MYH14: variants seen among roughly 807,000 people sequenced by gnomAD.
MYH14 encodes the protein myosin-14.
In MYH14, 123 loss-of-function variants were observed where a neutral mutation model predicts 255.5. That is an observed-to-expected ratio of 0.48 (90% confidence interval 0.42 to 0.56). The LOEUF is 0.56. MYH14 is among the 20% of genes least tolerant of loss of function. The pLI, the probability that MYH14 is intolerant of heterozygous loss-of-function variation, is 0.00. For missense variants in MYH14, 2,423 were observed against 2,802.3 expected (o/e 0.86, Z 3.06); for synonymous variants, 1,095 against 1,161.2 (o/e 0.94, Z 1.16).
intron 22 of MYH14, among the ~76,000 whole-genome samples, chr19:50,264,055 CA>C (rs34015428): frequency 2.8e-3 from 95 of 33,392 alleles, no homozygotes; most frequent in Non-Finnish European, 3.7e-3. Flanking sequence ...AACTCTGTCT[CA>C]AAAAAAAAAA....
rs2036112020 is a variant in MYH14, at chr19:50,292,448, CTTG to C, written c.5256+60_5256+62del. The C allele has an allele frequency of 4.2e-6, 6 of 1,443,908 alleles. No individual in the cohort carries two copies. The East Asian group carries it at 1.2e-4, about 29-fold the overall frequency. 89.4% of individuals were successfully genotyped at this position (1,443,908 alleles called of 1,614,324 possible). A position where few individuals can be genotyped will look rare whatever the true frequency, so the allele number is the denominator to read the frequency against. Reference sequence around the variant, plus strand: ...AAGCTGGGAGGTGGGCAAGGCTAACCTTGAGGTCCCTGGATGTGAAGCTGGGGA... The same window carrying C: ...AAGCTGGGAGGTGGGCAAGGCTAACCAGGTCCCTGGATGTGAAGCTGGGGA... On this transcript the variant is annotated intron_variant, in intron 37 of 42. Coordinates refer to ENST00000642316, the MANE Select transcript of MYH14 (RefSeq NM_001145809.2).
chr19:50,261,476 T>A lies in MYH14; in HGVS notation c.2426T>A (p.Ile809Asn). 1 of 1,256,982 alleles carries A rather than the reference T, an allele frequency of 8.0e-7. No homozygotes were observed. Among genetic ancestry groups the A allele is most frequent in the Middle Eastern group, 2.1e-4 (1 of 4,720 alleles). The allele number at this position is 1,256,982 out of a possible 1,614,324, so 77.9% of individuals were successfully genotyped here. The stretch of plus-strand genomic sequence containing the variant: ...TCACCCCTCTCCCACCCCTCACAGA[T>A]CCAGGCGCTGGAACTGGACCCCAAC... ...MDGKQACEKM[I>N]QALELDPNLY... The change falls in exon 21 of 43, where the codon ATC (isoleucine) becomes AAC (asparagine). Residue 809 changes from isoleucine (I) to asparagine (N), a missense_variant and splice_region_variant. Physicochemically the swap from Ile to Asn is moderately radical, Grantham distance 149 (BLOSUM62 -3). This residue lies in a region of MYH14 where 1,513 missense variants were observed against 1,674.8 expected (regional missense o/e 0.90). Coordinates refer to ENST00000642316, the MANE Select transcript of MYH14 (RefSeq NM_001145809.2).
At chr19:50,224,970 G>C in intron 6 of MYH14, 2 of 397,036 alleles carry the variant, frequency 5.0e-6, no homozygotes, top group East Asian at 7.2e-5. Flanking sequence ...GCTGGGCATG[G>C]TGGTGCTTGC....
chr19:50,290,754 G>A, intron 35 of MYH14, 133 bp from the exon 36 acceptor site: 2 of 882,022 alleles, frequency 2.3e-6, no homozygotes, highest in Non-Finnish European at 3.5e-6. Context: ...ACCAAGTAAA[G>A]AGAGTCAGGG....
intron 8 of MYH14, among the ~76,000 whole-genome samples, chr19:50,228,626 G>A (rs772477843): frequency 5.9e-5 from 9 of 152,162 alleles, no homozygotes; most frequent in East Asian, 1.9e-4. Context: ...TCTTGCCCTT[G>A]GCTCCCACCT....
At position 50,293,306 on chromosome 19, in the gene MYH14, A is replaced by T. The variant is rs756329020; in HGVS notation, c.5330A>T (p.Asn1777Ile). The T allele has an allele frequency of 6.2e-7, 1 of 1,606,528 alleles. No individual in the cohort carries two copies. The highest frequency in any genetic ancestry group is 1.7e-5 in the Admixed American group (1 of 58,880). Residue 1777 changes from asparagine (N) to isoleucine (I), a missense_variant, in exon 38 of 43, where the codon AAT becomes ATT. Physicochemically the swap from Asn to Ile is moderately radical, Grantham distance 149 (BLOSUM62 -3). Around this residue, in one of 3 missense-constraint regions of MYH14, gnomAD observed 1,513 missense variants for 1,674.8 expected, o/e 0.90. Coordinates refer to ENST00000642316, the MANE Select transcript of MYH14 (RefSeq NM_001145809.2). The surrounding 1 kb of genome is among the most constrained non-coding windows in gnomAD (Gnocchi z 4.1). ...GATGAGATGGCAGATGAGGTGGCCA[A>T]TGGTAACCTTAGCAAGTAAGTGCCC... ...DRDEMADEVA[N>I]GNLSKAAILE...
At position 50,289,496 on chromosome 19, in the gene MYH14, C is replaced by G. The variant is rs1229876725; in HGVS notation, c.4813C>G (p.Gln1605Glu). 6.2e-7 allele frequency: 1 copy of G among 1,613,038 alleles called. No individual in the cohort carries two copies. Among genetic ancestry groups the G allele is most frequent in the Non-Finnish European group, 8.5e-7 (1 of 1,179,658 alleles). Residue 1605 changes from glutamine to glutamate, a missense_variant, in exon 35 of 43, where the codon CAG becomes GAG. Physicochemically the swap from Gln to Glu is conservative, Grantham distance 29. Transcript: ENST00000642316. ...ACAGGCAGCCAATGATCTGCGAGCA[C>G]AGGTGACAGAACTGGAGGATGAGCT... ...AEQAANDLRA[Q>E]VTELEDELTA...
intron 27 of MYH14, 74 bp downstream of exon 27, chr19:50,272,805 G>A: frequency 6.8e-7 from 1 of 1,461,038 alleles, no homozygotes; most frequent in Non-Finnish European, 9.3e-7. Context: ...GCCCAAGTCA[G>A]AAGCTCCTGG....
rs980397804 is a variant in MYH14, at chr19:50,294,799, G to A, written c.5469+1112G>A. Among the ~76,000 whole-genome samples, 46 of 151,896 alleles carry A rather than the reference G, an allele frequency of 3.0e-4. 1 individual carries two copies. Among genetic ancestry groups the A allele is most frequent in the Admixed American group, 1.3e-3 (20 of 15,246 alleles). ...GTGTAGTAAGACTACTTTTTAAATG[G>A]AGAGAATGGGGAAAATATGCAAAAT... On this transcript the variant is annotated intron_variant, in intron 39 of 42. Coordinates refer to ENST00000642316, the MANE Select transcript of MYH14 (RefSeq NM_001145809.2).
rs373929652 is a variant in MYH14 at position 50,257,415 on chromosome 19, C to T, written c.2161C>T (p.Arg721Cys). ...ACAGCTCTACAAGGAGTCCCTGAGC[C>T]GCCTCATGGCCACACTCAGCAACAC... ...VGQLYKESLS[R>C]LMATLSNTNP... Residue 721 changes from arginine to cysteine, a missense_variant, in exon 18 of 43, where the codon CGC (arginine) becomes TGC (cysteine). Coordinates refer to ENST00000642316, the MANE Select transcript of MYH14 (RefSeq NM_001145809.2). 7.4e-5 allele frequency: 119 copies of T among 1,607,764 alleles called. No homozygotes were observed. The highest frequency in any genetic ancestry group is 5.2e-4 in the African/African-American group (39 of 74,840).
In MYH14 at chr19:50,293,235, A is replaced by G. The variant is rs1406866627; in HGVS notation, c.5259A>G (p.Glu1753=). The G allele has an allele frequency of 6.2e-7, 1 of 1,602,874 alleles. No homozygotes were observed. The highest frequency in any genetic ancestry group is 1.7e-5 in the Admixed American group (1 of 58,394). The change falls in exon 38 of 43, where the codon GAA becomes GAG. Residue 1753 remains glutamate, a splice_region_variant and synonymous_variant. Transcript: ENST00000642316. The surrounding 1 kb of genome is among the most constrained non-coding windows in gnomAD (Gnocchi z 4.1). ...LEAEVLRLQE[E]LAASDRARRQ... ...CGGCCACCCCTCCATCATCACAGGA[A>G]CTGGCCGCCTCGGACCGTGCTCGGC...
chr19:50,252,638 G>A lies in MYH14; in HGVS notation c.1831-1G>A, dbSNP rs1408328006. ...GCCCTCCTCTACCTGACTTCATTCA[G>A]GTCGACTACAAGGCCAACGAGTGGC... On this transcript the variant is annotated splice_acceptor_variant, in intron 15 of 42. Coordinates refer to ENST00000642316, the MANE Select transcript of MYH14 (RefSeq NM_001145809.2). LOFTEE classifies it high-confidence loss of function. This position sits in a 1 kb window ranked among gnomAD's most constrained non-coding sequence, Gnocchi z 4.2. 20 of 1,580,814 alleles carry A rather than the reference G, an allele frequency of 1.3e-5. No homozygotes were observed. The highest frequency in any genetic ancestry group is 1.6e-5 in the Non-Finnish European group (19 of 1,163,060).
chr19:50,265,043 G>A (rs529415421), intron 22 of MYH14, among the ~76,000 whole-genome samples: 1 of 152,318 alleles, frequency 6.6e-6, no homozygotes, highest in East Asian at 1.9e-4. Context: ...CTTTTATAGA[G>A]GCTGGGGTAA....
At chr19:50,229,369 T>G (rs79542194) in intron 8 of MYH14, among the ~76,000 whole-genome samples, 2,827 of 152,252 alleles carry the variant, frequency 0.019, 43 homozygotes, top group Middle Eastern at 0.031. Flanking sequence ...ATGTTTTGGC[T>G]GGGCGCAGTG....
chr19:50,238,124 G>A (rs980582621), intron 10 of MYH14, among the ~76,000 whole-genome samples: 2 of 152,220 alleles, frequency 1.3e-5, no homozygotes, highest in African/African-American at 4.8e-5. Context: ...ATGCCATGCT[G>A]AGAGGTTGAG....
chr19:50,295,384 G>A (rs557560353), intron 39 of MYH14, among the ~76,000 whole-genome samples: 1 of 152,178 alleles, frequency 6.6e-6, no homozygotes, highest in South Asian at 2.1e-4. Context: ...GCTCATGCCT[G>A]TAATCTCAGC....
At chr19:50,209,857 G>A (rs545820749) in intron 1 of MYH14, among the ~76,000 whole-genome samples, 6 of 151,214 alleles carry the variant, frequency 4.0e-5, no homozygotes, top group Non-Finnish European at 7.4e-5. Context: ...CAGCACTTTG[G>A]GAGGCCGAGG....
chr19:50,225,516 C>A, intron 6 of MYH14, 69 bp from the exon 7 acceptor site: 1 of 1,260,266 alleles, frequency 7.9e-7, no homozygotes, highest in East Asian at 2.5e-5. Context: ...AGACACAGCC[C>A]GAGCTGGGCT....
At chr19:50,260,738 T>G (rs1281045929) in intron 20 of MYH14, 23 bp downstream of exon 20, 2 of 1,475,336 alleles carry the variant, frequency 1.4e-6, no homozygotes. Flanking sequence ...GAGCCTGGAA[T>G]GCGTGTGTGC....
Sources: gnomAD v4.1 joint callset for allele counts (sites outside exome capture counted in the v4.1 genomes callset) on GRCh38, gnomAD v4.1.1 for gene constraint, gnomAD v4.1.1 regional missense constraint, Gnocchi (gnomAD v3.1) non-coding constraint, MANE v1.5 for transcripts, NCBI Gene and HGNC (gene_info 2026-07-23, HGNC 2026-07-21) for gene names.